SMOC2: variants seen among roughly 807,000 people sequenced by gnomAD.
The protein encoded by SMOC2 is SPARC-related modular calcium-binding protein 2.
A neutral mutation model predicts 61.4 loss-of-function variants in SMOC2; 39 were observed. The observed-to-expected ratio is 0.64, with a 90% CI of 0.49 to 0.83. The LOEUF (loss-of-function observed/expected upper bound fraction) is 0.83. Ranked by LOEUF, SMOC2 falls within the 40% of genes least tolerant of loss-of-function variation. The pLI is 0.00. For missense variants in SMOC2, 556 were observed against 592.9 expected (o/e 0.94, Z 0.65); for synonymous variants, 247 against 239.9 (o/e 1.03, Z -0.27).
At chr6:168,578,469 T>C (rs1784854583) in intron 7 of SMOC2, among the ~76,000 whole-genome samples, 1 of 152,200 alleles carries the variant, frequency 6.6e-6, no homozygotes, top group African/African-American at 2.4e-5. Context: ...TGTCATTGAA[T>C]TTGAGTTTGT....
intron 9 of SMOC2, among the ~76,000 whole-genome samples, chr6:168,638,888 C>G (rs1485706589): frequency 6.6e-6 from 1 of 152,180 alleles, no homozygotes; most frequent in Non-Finnish European, 1.5e-5. Flanking sequence ...GAAACAAATG[C>G]ACTTTTAAAA....
intron 9 of SMOC2, among the ~76,000 whole-genome samples, chr6:168,647,316 G>A (rs77594291): frequency 0.033 from 5,039 of 152,284 alleles, 304 homozygotes; most frequent in African/African-American, 0.12. Flanking sequence ...AAGGCCGGGG[G>A]CGGAGTGTGC....
intron 1 of SMOC2, among the ~76,000 whole-genome samples, chr6:168,464,565 A>AT (rs35363708): frequency 0.57 from 84,976 of 149,684 alleles, 24,178 homozygotes; most frequent in Admixed American, 0.69. Flanking sequence ...TAGGATTTTC[A>AT]TTTTTTTTTT....
At chr6:168,563,688 C>T (rs1353340241) in intron 7 of SMOC2, among the ~76,000 whole-genome samples, 1 of 152,124 alleles carries the variant, frequency 6.6e-6, no homozygotes, top group Non-Finnish European at 1.5e-5. Context: ...ATGAGCTCAA[C>T]CAAGAAGGCG....
chr6:168,552,599 A>G (rs1784152603), intron 7 of SMOC2, among the ~76,000 whole-genome samples: 1 of 152,240 alleles, frequency 6.6e-6, no homozygotes, highest in South Asian at 2.1e-4. Flanking sequence ...CCATGTGCAC[A>G]CTAGCAAGAT....
chr6:168,495,539 G>A (rs1411566469), intron 1 of SMOC2, among the ~76,000 whole-genome samples: 1 of 152,212 alleles, frequency 6.6e-6, no homozygotes, highest in African/African-American at 2.4e-5. Flanking sequence ...ATAAATGAGT[G>A]TGTGTTTGCT....
In SMOC2 at chr6:168,511,815, T is replaced by G. The variant is rs912194084; in HGVS notation, c.256+1729T>G. Reference sequence around the variant, plus strand: ...AATGGCTATTCATTATCAAGGGTTGTTTTTTTTTTTTTTTCTGAAATTACA... The same window carrying G: ...AATGGCTATTCATTATCAAGGGTTGGTTTTTTTTTTTTTTCTGAAATTACA... On this transcript the variant is annotated intron_variant, in intron 2 of 12. Coordinates refer to ENST00000356284, the MANE Select transcript of SMOC2 (RefSeq NM_001166412.2). 9.3e-4 allele frequency among the ~76,000 whole-genome samples: 139 copies of G among 149,146 alleles called. 1 individual carries two copies. The highest frequency in any genetic ancestry group is 1.8e-3 in the Non-Finnish European group (119 of 67,384).
chr6:168,517,349 T>TCCCAGGC (rs1181628038), intron 2 of SMOC2, among the ~76,000 whole-genome samples: 11 of 152,156 alleles, frequency 7.2e-5, no homozygotes. Flanking sequence ...TCCCAGGCCT[T>TCCCAGGC]CTCAAGCCGC....
intron 7 of SMOC2, among the ~76,000 whole-genome samples, chr6:168,564,130 G>A (rs972668717): frequency 2.6e-5 from 4 of 152,148 alleles, no homozygotes; most frequent in South Asian, 2.1e-4. Flanking sequence ...CCCAAATTAC[G>A]TATGTGTATA....
At chr6:168,478,630 C>T (rs990587686) in intron 1 of SMOC2, among the ~76,000 whole-genome samples, 9 of 152,218 alleles carry the variant, frequency 5.9e-5, no homozygotes, top group Admixed American at 2.6e-4. Flanking sequence ...AGCACAGCTT[C>T]CCAGCTTCCT....
At chr6:168,558,802 CGCATGTGTGTGT>C (rs1784310841) in intron 7 of SMOC2, among the ~76,000 whole-genome samples, 1 of 132,034 alleles carries the variant, frequency 7.6e-6, no homozygotes, top group African/African-American at 2.7e-5. Context: ...TGTGCGTGTG[CGCATGTGTGTGT>C]GTGCGTATGT....
In SMOC2 at chr6:168,664,253, T is replaced by C. The variant is rs2275919; in HGVS notation, c.1323+142T>C. 0.51 allele frequency: 378,098 copies of C among 745,612 alleles called. 102,422 individuals are homozygous for C. The highest frequency in any genetic ancestry group is 0.58 in the Non-Finnish European group (247,597 of 427,474). The allele number at this position is 745,612 out of a possible 1,614,324, so 46.2% of individuals were successfully genotyped here. ...AATAATTCAAGGGAGGCAAGCTTAC[T>C]GACTACACCCTATGGGGACTAAAGC... On this transcript the variant is annotated intron_variant, in intron 12 of 12. Transcript: ENST00000356284.
intron 1 of SMOC2, among the ~76,000 whole-genome samples, chr6:168,451,995 G>C (rs931445453): frequency 1.3e-5 from 2 of 152,180 alleles, no homozygotes; most frequent in African/African-American, 4.8e-5. Context: ...TTGTCTCCCA[G>C]GTTCCCTGGT....
chr6:168,459,862 G>A (rs143764090), intron 1 of SMOC2, among the ~76,000 whole-genome samples: 283 of 151,894 alleles, frequency 1.9e-3, no homozygotes, highest in African/African-American at 6.3e-3. Context: ...GGCTGGGTGA[G>A]CCCGGGGGTG....
intron 7 of SMOC2, among the ~76,000 whole-genome samples, chr6:168,585,350 T>G (rs571091682): frequency 6.6e-6 from 1 of 152,240 alleles, no homozygotes; most frequent in East Asian, 1.9e-4. Flanking sequence ...CCAGTAATGG[T>G]TTTGAGCTTC....
At chr6:168,523,099 T>TTTTTTTTTTTTTTTGTAG in intron 2 of SMOC2, among the ~76,000 whole-genome samples, 1 of 120,090 alleles carries the variant, frequency 8.3e-6, no homozygotes, top group South Asian at 2.9e-4. Flanking sequence ...TTTTTTTTTT[T>TTTTTTTTTTTTTTTGTAG]GAGACGGAGT....
At chr6:168,509,218 G>A (rs918872340) in intron 1 of SMOC2, among the ~76,000 whole-genome samples, 5 of 152,224 alleles carry the variant, frequency 3.3e-5, no homozygotes, top group Non-Finnish European at 5.9e-5. Context: ...GCCACCGTGG[G>A]AACTGCGGAG....
At position 168,509,968 on chromosome 6, in the gene SMOC2, T is replaced by TTC; in HGVS notation, c.139_140dup (p.Pro48ArgfsTer30). The stretch of plus-strand genomic sequence containing the variant: ...AGGATTGTAGCTTGGACTGTGCGGG[T>TTC]TCGCCCCAGAAACCTCTCTGCGCAT... On this transcript the variant is annotated frameshift_variant, in exon 2 of 13. Transcript: ENST00000356284. LOFTEE classifies it high-confidence loss of function. The TTC allele has an allele frequency of 1.9e-6, 3 of 1,614,140 alleles. No homozygotes were observed. Among genetic ancestry groups the TTC allele is most frequent in the Non-Finnish European group, 2.5e-6 (3 of 1,180,020 alleles).
intron 9 of SMOC2, among the ~76,000 whole-genome samples, chr6:168,637,569 T>C (rs1786771747): frequency 6.6e-6 from 1 of 152,226 alleles, no homozygotes; most frequent in Admixed American, 6.5e-5. Context: ...TGGAGAAGCA[T>C]ACAGCTGAGC....
Sources: gnomAD v4.1 joint callset for allele counts (sites outside exome capture counted in the v4.1 genomes callset) on GRCh38, gnomAD v4.1.1 for gene constraint, MANE v1.5 for transcripts, NCBI Gene and HGNC (gene_info 2026-07-23, HGNC 2026-07-21) for gene names.